Variants in USB1 observed in about 807,000 individuals in gnomAD.
USB1 encodes the protein U6 snRNA phosphodiesterase 1.
In USB1, 21 loss-of-function variants were observed where a neutral mutation model predicts 29.9. That is an observed-to-expected ratio of 0.70 (90% CI 0.50 to 1.01). The LOEUF is 1.01. USB1 is among the 50% of genes least tolerant of loss of function. The probability of loss-of-function intolerance (pLI) is 0.00; values close to 1 mark genes in which losing one functional copy is unlikely to be tolerated. For missense variants in USB1, 330 were observed against 347.1 expected (o/e 0.95, Z 0.39); for synonymous variants, 143 against 134.9 (o/e 1.06, Z -0.42).
upstream of USB1, among the ~76,000 whole-genome samples, chr16:58,000,628 G>A (rs953307851): frequency 3.2e-4 from 48 of 149,498 alleles, no homozygotes; most frequent in Non-Finnish European, 2.1e-4. This position sits in a 1 kb window ranked among gnomAD's most constrained non-coding sequence, Gnocchi z 4.5. Context: ...GGCGAGGAGC[G>A]CCGGGAGGGC....
chr16:58,009,916 T>C lies in USB1; in HGVS notation c.266-13T>C. The C allele has an allele frequency of 2.5e-6, 4 of 1,613,824 alleles. No individual in the cohort carries two copies. Among genetic ancestry groups the C allele is most frequent in the Non-Finnish European group, 3.4e-6 (4 of 1,179,944 alleles). Reference sequence around the variant, plus strand: ...TGAGAGAACGGCCCGCCCTCTTTACTCCTCCCCTCCAGATGAAGCCAAGGA... The same window carrying C: ...TGAGAGAACGGCCCGCCCTCTTTACCCCTCCCCTCCAGATGAAGCCAAGGA... On this transcript the variant is annotated splice_polypyrimidine_tract_variant and intron_variant, in intron 2 of 6. Transcript: ENST00000219281.
intron 2 of USB1, among the ~76,000 whole-genome samples, chr16:58,004,851 T>C (rs1315409443): frequency 6.6e-6 from 1 of 152,164 alleles, no homozygotes; most frequent in Non-Finnish European, 1.5e-5. Flanking sequence ...AAAAGACAGC[T>C]GGGCCCGGGG....
At chr16:58,002,689 G>A (rs767181785) in intron 2 of USB1, 44 bp downstream of exon 2, 24 of 1,612,004 alleles carry the variant, frequency 1.5e-5, no homozygotes, top group South Asian at 5.5e-5. Context: ...CCATAGACCC[G>A]TAGGTGCCTC....
Position 58,017,328 on chromosome 16 carries a change from C to T in USB1, c.504-6C>T, listed in dbSNP as rs771403537. On this transcript the variant is annotated splice_polypyrimidine_tract_variant and splice_region_variant and intron_variant, in intron 4 of 6. Coordinates refer to ENST00000219281, the MANE Select transcript of USB1 (RefSeq NM_024598.4). ...TCTCATGCCTGCGTTGTCTTCCTCT[C>T]CCCAGGACCTTTATTGGGCTTGAGG... 1 of 1,613,294 alleles carries T rather than the reference C, an allele frequency of 6.2e-7. No homozygotes were observed. Among genetic ancestry groups the T allele is most frequent in the Non-Finnish European group, 8.5e-7 (1 of 1,179,346 alleles).
chr16:58,000,955 G>T (rs1219672806), upstream of USB1, among the ~76,000 whole-genome samples: 1 of 152,172 alleles, frequency 6.6e-6, no homozygotes, highest in Non-Finnish European at 1.5e-5. The surrounding 1 kb of genome is among the most constrained non-coding windows in gnomAD (Gnocchi z 4.5). Flanking sequence ...CCGGCTCTGC[G>T]CAGGAGAGGA....
intron 5 of USB1, 25 bp from the exon 6 acceptor site, chr16:58,018,947 G>A (rs368608475): frequency 5.6e-6 from 9 of 1,613,070 alleles, no homozygotes; most frequent in Non-Finnish European, 7.6e-6. Context: ...CCGGGTGACT[G>A]CCTGCCTCTC....
chr16:58,011,050 C>T (rs1387958330), intron 3 of USB1: 11 of 756,504 alleles, frequency 1.5e-5, no homozygotes, highest in Non-Finnish European at 2.1e-5. Flanking sequence ...CTCATTGGAA[C>T]CAAAGATGCC....
rs564645092 is a variant in USB1 at position 58,018,266 on chromosome 16, G to A, written c.610-706G>A. Among the ~76,000 whole-genome samples, 23 of 141,632 alleles carry A rather than the reference G, an allele frequency of 1.6e-4. No homozygotes were observed. In the South Asian group the frequency reaches 2.4e-3, roughly 15 times the overall value. The allele number at this position is 141,632 out of a possible 152,430, so 92.9% of individuals were successfully genotyped here. A position where few individuals can be genotyped will look rare whatever the true frequency, so the allele number is the denominator to read the frequency against. ...TTTGGAGACAGAGTCTTACTCTGTCGCCCATGCTGGAGTGCAGTGGCGCAA... is the reference window on the plus strand; with the variant it reads ...TTTGGAGACAGAGTCTTACTCTGTCACCCATGCTGGAGTGCAGTGGCGCAA... On this transcript the variant is annotated intron_variant, in intron 5 of 6. Coordinates refer to ENST00000219281, the MANE Select transcript of USB1 (RefSeq NM_024598.4).
At chr16:58,000,343 G>A (rs1033210564), upstream of USB1, 2 of 151,214 alleles carry the variant, frequency 1.3e-5, no homozygotes, top group Admixed American at 1.3e-4. The surrounding 1 kb of genome is among the most constrained non-coding windows in gnomAD (Gnocchi z 4.5). Context: ...GCAGAGGAAG[G>A]GGTGCGGCGG....
Position 58,010,128 on chromosome 16 carries a change from C to T in USB1, c.449+16C>T. ...CCTTCCACAGGTGAGTGCTTCTTCC[C>T]TCTGCCTCTCCACTCCCTCCCCTCC... On this transcript the variant is annotated intron_variant, in intron 3 of 6. Coordinates refer to ENST00000219281, the MANE Select transcript of USB1 (RefSeq NM_024598.4). The T allele has an allele frequency of 6.2e-7, 1 of 1,613,850 alleles. No individual in the cohort carries two copies. Among genetic ancestry groups the T allele is most frequent in the Non-Finnish European group, 8.5e-7 (1 of 1,179,894 alleles).
At chr16:58,010,893 G>A (rs904731310) in intron 3 of USB1, 1 of 661,496 alleles carries the variant, frequency 1.5e-6, no homozygotes, top group Non-Finnish European at 2.7e-6. Context: ...TTTTTACGGA[G>A]GCTTCATCAC....
At chr16:58,018,927 G>A in intron 5 of USB1, 45 bp from the exon 6 acceptor site, 1 of 1,602,462 alleles carries the variant, frequency 6.2e-7, no homozygotes, top group Non-Finnish European at 8.5e-7. Flanking sequence ...GGCAGGGCCT[G>A]CCAAGGCGTC....
chr16:58,012,989 AC>A, intron 3 of USB1: 1 of 985,620 alleles, frequency 1.0e-6, no homozygotes. Context: ...CAGCACCTGG[AC>A]CCCTGGGCTG....
chr16:58,007,682 G>A (rs546939128), intron 2 of USB1, among the ~76,000 whole-genome samples: 60 of 151,054 alleles, frequency 4.0e-4, no homozygotes, highest in East Asian at 1.0e-3. Flanking sequence ...GAGCCCAGCC[G>A]GAAGGTAATT....
Position 58,020,567 on chromosome 16 carries a change from T to TC in USB1, c.*322_*323insC, listed in dbSNP as rs1555498777. On this transcript the variant is annotated 3_prime_UTR_variant, in exon 7 of 7. Transcript: ENST00000219281. ...CTCCTGTCTCTCCTCCCCTCCTCTCTTCCTCTCCTCTCTCTTCCTCTCCTC... is the reference window on the plus strand; with the variant it reads ...CTCCTGTCTCTCCTCCCCTCCTCTCTCTCCTCTCCTCTCTCTTCCTCTCCTC... 176 of 343,336 alleles carry TC rather than the reference T, an allele frequency of 5.1e-4. 2 individuals carry two copies. Among genetic ancestry groups the TC allele is most frequent in the Non-Finnish European group, 6.7e-4 (125 of 187,646 alleles). The allele number at this position is 343,336 out of a possible 1,614,324, so 21.3% of individuals were successfully genotyped here.
intron 5 of USB1, among the ~76,000 whole-genome samples, chr16:58,018,287 C>T (rs571826147): frequency 1.0e-4 from 15 of 144,380 alleles, no homozygotes; most frequent in Non-Finnish European, 1.6e-4. Flanking sequence ...AGTGCAGTGG[C>T]GCAATCTCAG....
chr16:58,012,300 T>C, intron 3 of USB1: 1 of 1,535,466 alleles, frequency 6.5e-7, no homozygotes, highest in Non-Finnish European at 8.7e-7. Context: ...TTGTATATTA[T>C]CAGGACTCTC....
intron 6 of USB1, among the ~76,000 whole-genome samples, chr16:58,019,380 G>A (rs761785768): frequency 6.6e-6 from 1 of 152,040 alleles, no homozygotes; most frequent in Non-Finnish European, 1.5e-5. Context: ...ACTGATCTGC[G>A]AGGAGGCTGC....
Position 58,013,892 on chromosome 16 carries a change from G to A in USB1, c.450-381G>A, listed in dbSNP as rs951970527. ...TCGTGATTGCTTAGATGAAATCGGA[G>A]TCATCTATTTTAAAAAACTGCAAGA... On this transcript the variant is annotated intron_variant, in intron 3 of 6. Transcript: ENST00000219281. The surrounding 1 kb of genome is among the most constrained non-coding windows in gnomAD (Gnocchi z 4.3). The A allele has an allele frequency of 4.6e-5, 11 of 240,646 alleles. No individual in the cohort carries two copies. The highest frequency in any genetic ancestry group is 9.1e-5 in the African/African-American group (4 of 43,768). The allele number at this position is 240,646 out of a possible 1,614,324, so 14.9% of individuals were successfully genotyped here.
Sources: allele counts gnomAD v4.1 joint callset (sites outside exome capture counted in the v4.1 genomes callset), GRCh38; gene constraint gnomAD v4.1.1; non-coding constraint Gnocchi (gnomAD v3.1); transcripts MANE v1.5; gene names NCBI Gene and HGNC (gene_info 2026-07-23, HGNC 2026-07-21).